SPIN1: variants seen among roughly 807,000 people sequenced by gnomAD.
The protein encoded by SPIN1 is spindlin 1, also known as spindlin-1.
SPIN1 carries 3 observed loss-of-function variants against 26.0 expected under a neutral mutation model. The ratio of observed to expected loss-of-function variants is 0.12; its 90% CI spans 0.05 to 0.30. SPIN1 has a LOEUF of 0.30. Among genes scored for constraint, SPIN1 ranks in the 10% least tolerant of loss-of-function variants. The pLI is 1.00. For missense variants in SPIN1, 126 were observed against 333.4 expected (o/e 0.38, Z 4.84); for synonymous variants, 101 against 116.5 (o/e 0.87, Z 0.86).
rs1828307648 is a variant in SPIN1, at chr9:88,449,005, A to G, written c.101+16A>G. ...CATCCCACAAGTAAGCAGTTCTGAA[A>G]CTGGTTCTAGATAGTGTTTTGTGAC... On this transcript the variant is annotated intron_variant, in intron 3 of 5. Transcript: ENST00000375859. 1 of 1,611,858 alleles carries G rather than the reference A, an allele frequency of 6.2e-7. No homozygotes were observed. The highest frequency in any genetic ancestry group is 1.7e-5 in the Admixed American group (1 of 59,648).
chr9:88,433,526 A>G (rs1023982815), intron 2 of SPIN1, among the ~76,000 whole-genome samples: 2 of 152,208 alleles, frequency 1.3e-5, no homozygotes, highest in African/African-American at 2.4e-5. Flanking sequence ...AGACATCAAG[A>G]TGATGGCAAG....
intron 1 of SPIN1, among the ~76,000 whole-genome samples, chr9:88,401,928 G>C (rs1224028004): frequency 6.6e-6 from 1 of 152,110 alleles, no homozygotes; most frequent in Non-Finnish European, 1.5e-5. Context: ...ATGAATACTT[G>C]TTGCATGCAT....
intron 1 of SPIN1, among the ~76,000 whole-genome samples, chr9:88,418,403 G>C (rs1039586077): frequency 1.3e-5 from 2 of 151,992 alleles, no homozygotes; most frequent in African/African-American, 4.8e-5. Flanking sequence ...TTTTTGTTTA[G>C]GTCTTGTTGC....
intron 2 of SPIN1, among the ~76,000 whole-genome samples, chr9:88,448,195 C>T (rs892209006): frequency 3.3e-5 from 5 of 152,098 alleles, no homozygotes; most frequent in Non-Finnish European, 7.4e-5. Flanking sequence ...AGGCATACGC[C>T]ACCACGCCTG....
rs185192635 is a variant in SPIN1 at position 88,467,734 on chromosome 9, C to T, written c.356-638C>T. Among the ~76,000 whole-genome samples, 591 of 151,602 alleles carry T rather than the reference C, an allele frequency of 3.9e-3. 10 individuals carry two copies. Among genetic ancestry groups the T allele is most frequent in the Admixed American group, 0.025 (383 of 15,198 alleles). ...ACACAATGTGGTATCAGTGACACAA[C>T]GATTACTTTGGTTGCAGTGAAGAAT... On this transcript the variant is annotated intron_variant, in intron 4 of 5. Coordinates refer to ENST00000375859, the MANE Select transcript of SPIN1 (RefSeq NM_006717.3).
intron 1 of SPIN1, among the ~76,000 whole-genome samples, chr9:88,414,117 T>G (rs1827513221): frequency 6.6e-6 from 1 of 152,192 alleles, no homozygotes; most frequent in African/African-American, 2.4e-5. Flanking sequence ...GAAGTGTTCA[T>G]GCCCTCCTGT....
intron 5 of SPIN1, among the ~76,000 whole-genome samples, chr9:88,472,484 C>T (rs1406458085): frequency 6.6e-6 from 1 of 151,950 alleles, no homozygotes; most frequent in African/African-American, 2.4e-5. Flanking sequence ...GCCGCCGCGC[C>T]TGGCCACTTT....
intron 1 of SPIN1, among the ~76,000 whole-genome samples, chr9:88,408,046 T>C (rs1056021869): frequency 6.6e-6 from 1 of 151,890 alleles, no homozygotes; most frequent in African/African-American, 2.4e-5. Flanking sequence ...GGATTACAGG[T>C]GCAAGCCACT....
chr9:88,393,919 C>T (rs778794401), intron 1 of SPIN1, among the ~76,000 whole-genome samples: 4 of 152,080 alleles, frequency 2.6e-5, no homozygotes, highest in Non-Finnish European at 5.9e-5. Flanking sequence ...GTGACCTTGG[C>T]TTACTACAAC....
chr9:88,410,162 A>T (rs116493390), intron 1 of SPIN1, among the ~76,000 whole-genome samples: 2,892 of 133,034 alleles, frequency 0.022, 74 homozygotes, highest in African/African-American at 0.071. Flanking sequence ...GCATATATTT[A>T]GTGTGTGTGT....
intron 1 of SPIN1, chr9:88,411,237 G>A: frequency 8.7e-7 from 1 of 1,144,482 alleles, no homozygotes. Context: ...ACCTTGTGTG[G>A]CCTTGCATTC....
intron 2 of SPIN1, among the ~76,000 whole-genome samples, chr9:88,435,888 C>T (rs1194979297): frequency 6.6e-6 from 1 of 152,022 alleles, no homozygotes; most frequent in Non-Finnish European, 1.5e-5. Flanking sequence ...TTTCTCAGAT[C>T]CTATGTGTTT....
chr9:88,405,997 TTGTGTGTCTGTG>T (rs746109228), intron 1 of SPIN1, among the ~76,000 whole-genome samples: 3,897 of 138,890 alleles, frequency 0.028, 66 homozygotes, highest in African/African-American at 0.033. Context: ...CGTGCCTGGC[TTGTGTGTCTGTG>T]TGTGTGTGTG....
intron 5 of SPIN1, among the ~76,000 whole-genome samples, chr9:88,473,036 AAGTT>A (rs1298677458): frequency 6.6e-6 from 1 of 152,184 alleles, no homozygotes; most frequent in Non-Finnish European, 1.5e-5. Flanking sequence ...TCCTATGAAT[AAGTT>A]AGTTAACATA....
intron 4 of SPIN1, among the ~76,000 whole-genome samples, chr9:88,464,177 T>C (rs1828618269): frequency 6.6e-6 from 1 of 152,252 alleles, no homozygotes; most frequent in African/African-American, 2.4e-5. Flanking sequence ...AGCTTTTCTG[T>C]AAATCAGCAA....
chr9:88,394,365 A>G (rs1827007601), intron 1 of SPIN1, among the ~76,000 whole-genome samples: 1 of 152,170 alleles, frequency 6.6e-6, no homozygotes, highest in Non-Finnish European at 1.5e-5. Context: ...ATTGAGGATT[A>G]GAATTTAGAT....
chr9:88,410,795 G>C, intron 1 of SPIN1: 1 of 1,023,096 alleles, frequency 9.8e-7, no homozygotes, highest in Non-Finnish European at 1.5e-6. Flanking sequence ...AAGCCACCAT[G>C]ACCACTGAAG....
chr9:88,434,380 A>AATTATAAAATAGTTTATTTTATAC, intron 2 of SPIN1, among the ~76,000 whole-genome samples: 1 of 148,716 alleles, frequency 6.7e-6, no homozygotes, highest in Non-Finnish European at 1.5e-5. Flanking sequence ...TTATTTTATA[A>AATTATAAAATAGTTTATTTTATAC]ATTATAAAAT....
rs557909316 is a variant in SPIN1, at chr9:88,471,979, AG to A, written c.590-3098del. On this transcript the variant is annotated intron_variant, in intron 5 of 5. Transcript: ENST00000375859. Reference sequence around the variant, plus strand: ...ACATTGGGCTAACTTTCGTATTTTTAGTAGAGATGGGGTTTTGCCATATTGG... The same window carrying A: ...ACATTGGGCTAACTTTCGTATTTTTATAGAGATGGGGTTTTGCCATATTGG... 4.0e-3 allele frequency among the ~76,000 whole-genome samples: 606 copies of A among 152,148 alleles called. 5 individuals are homozygous for A. Among genetic ancestry groups the A allele is most frequent in the African/African-American group, 0.014 (581 of 41,510 alleles).
Sources: allele counts gnomAD v4.1 joint callset (sites outside exome capture counted in the v4.1 genomes callset), GRCh38; gene constraint gnomAD v4.1.1; transcripts MANE v1.5; gene names NCBI Gene and HGNC (gene_info 2026-07-23, HGNC 2026-07-21).